The following CEP128 variants were observed in gnomAD, a reference collection of about 807,000 sequenced individuals.
CEP128 encodes centrosomal protein 128, also known as centrosomal protein 128kDa.
CEP128 carries 132 observed loss-of-function variants against 156.7 expected under a neutral mutation model. The observed-to-expected ratio is 0.84, with a 90% CI of 0.73 to 0.97. The LOEUF is 0.97. CEP128 is among the 50% of genes least tolerant of loss of function. The probability of loss-of-function intolerance (pLI) is 0.00; values close to 1 mark genes in which losing one functional copy is unlikely to be tolerated. For missense variants in CEP128, 1,252 were observed against 1,281.9 expected (o/e 0.98, Z 0.36); for synonymous variants, 469 against 448.9 (o/e 1.04, Z -0.57).
chr14:80,570,861 T>C (rs987711435), intron 20 of CEP128, among the ~76,000 whole-genome samples: 1 of 152,196 alleles, frequency 6.6e-6, no homozygotes, highest in Admixed American at 6.5e-5. Context: ...CAGAACCTCA[T>C]TTTTAACAGG....
intron 2 of CEP128, among the ~76,000 whole-genome samples, chr14:80,930,378 T>C (rs919580081): frequency 6.6e-6 from 1 of 152,214 alleles, no homozygotes; most frequent in Non-Finnish European, 1.5e-5. Flanking sequence ...ACCTCTTTCC[T>C]GCACTATGCA....
At chr14:80,680,814 A>G (rs940723055) in intron 19 of CEP128, among the ~76,000 whole-genome samples, 3 of 152,132 alleles carry the variant, frequency 2.0e-5, no homozygotes, top group Non-Finnish European at 2.9e-5. Context: ...ATTCTCTCCT[A>G]GCACTGGTGC....
intron 19 of CEP128, among the ~76,000 whole-genome samples, chr14:80,662,401 T>G (rs1595171912): frequency 6.6e-6 from 1 of 152,188 alleles, no homozygotes. Flanking sequence ...TCTTAATTAT[T>G]GGCTAACTAC....
At chr14:80,493,852 G>A (rs1887406272), downstream of CEP128, among the ~76,000 whole-genome samples, 1 of 152,172 alleles carries the variant, frequency 6.6e-6, no homozygotes, top group Admixed American at 6.5e-5. Context: ...GGCAGATGAG[G>A]GCCAGATGAG....
intron 8 of CEP128, among the ~76,000 whole-genome samples, chr14:80,878,857 C>T (rs756646289): frequency 1.2e-4 from 19 of 152,176 alleles, no homozygotes; most frequent in Non-Finnish European, 2.4e-4. Flanking sequence ...TCTGACCTCA[C>T]GACCACTCTG....
In CEP128 at chr14:80,833,359, G is replaced by T. The variant is rs116575557; in HGVS notation, c.1058-2065C>A. On this transcript the variant is annotated intron_variant, in intron 12 of 24. Coordinates refer to ENST00000555265, the MANE Select transcript of CEP128 (RefSeq NM_152446.5). ...ATATTTGATATGGAGATATATTTTG[G>T]TATGTTTACATATATATATACTAGT... Among the ~76,000 whole-genome samples the T allele has an allele frequency of 9.4e-3, 1,419 of 150,970 alleles. 21 individuals carry two copies. The highest frequency in any genetic ancestry group is 0.033 in the African/African-American group (1,370 of 41,194).
intron 14 of CEP128, among the ~76,000 whole-genome samples, chr14:80,479,338 G>A (rs1887006118): frequency 6.6e-6 from 1 of 152,112 alleles, no homozygotes; most frequent in Non-Finnish European, 1.5e-5. Context: ...TGCTGATGAA[G>A]ACACACCTGA....
At chr14:80,689,847 T>C (rs1328510283) in intron 19 of CEP128, among the ~76,000 whole-genome samples, 1 of 150,364 alleles carries the variant, frequency 6.7e-6, no homozygotes, top group African/African-American at 2.5e-5. Context: ...AAAACATATA[T>C]AATTATACAG....
rs1438548772 is a variant in CEP128 at position 80,530,883 on chromosome 14, T to C, written c.2884A>G (p.Thr962Ala). ...TCCAGATGGTCCAAGGCCACTTGGG[T>C]ACTCTGAAATAGAAAACATAAGGAA... The part of the protein sequence containing the change: ...QDRVIALETS[T>A]QVALDHLESV... The change falls in exon 22 of 25, where the codon ACC becomes GCC. Residue 962 changes from threonine (T) to alanine (A), a missense_variant. By Grantham distance (58) the Thr-to-Ala change is moderately conservative (BLOSUM62 0). Transcript: ENST00000555265. 2 of 1,593,402 alleles carry C rather than the reference T, an allele frequency of 1.3e-6. No individual in the cohort carries two copies. Among genetic ancestry groups the C allele is most frequent in the Non-Finnish European group, 1.7e-6 (2 of 1,167,150 alleles).
chr14:80,648,767 C>T (rs8023223), intron 19 of CEP128, among the ~76,000 whole-genome samples: 121 of 152,130 alleles, frequency 8.0e-4, no homozygotes, highest in African/African-American at 2.9e-3. Flanking sequence ...GTTTAAAAAG[C>T]AAAGTGTACC....
intron 2 of CEP128, among the ~76,000 whole-genome samples, chr14:80,948,315 C>A (rs1217741991): frequency 6.6e-6 from 1 of 152,194 alleles, no homozygotes; most frequent in Non-Finnish European, 1.5e-5. Context: ...CATCTTTAGC[C>A]ATTCATTGTG....
intron 19 of CEP128, among the ~76,000 whole-genome samples, chr14:80,689,712 A>G (rs773508568): frequency 1.3e-5 from 2 of 152,226 alleles, no homozygotes; most frequent in Non-Finnish European, 2.9e-5. Flanking sequence ...ATAGACGCAC[A>G]TGTATATTTA....
chr14:80,522,547 T>A (rs966537675), intron 23 of CEP128, among the ~76,000 whole-genome samples: 1 of 152,236 alleles, frequency 6.6e-6, no homozygotes, highest in Non-Finnish European at 1.5e-5. Context: ...GACTTTTCTT[T>A]CAAGGGGAAG....
At chr14:80,788,777 G>A (rs1452468393) in intron 14 of CEP128, among the ~76,000 whole-genome samples, 1 of 152,024 alleles carries the variant, frequency 6.6e-6, no homozygotes, top group Non-Finnish European at 1.5e-5. Context: ...TTTTACTTAT[G>A]GCTCCTTATT....
At chr14:80,484,836 A>C (rs1325311576) in intron 14 of CEP128, among the ~76,000 whole-genome samples, 2 of 151,702 alleles carry the variant, frequency 1.3e-5, no homozygotes, top group East Asian at 1.9e-4. Flanking sequence ...CTGAACATCT[A>C]CTGGCATGAA....
chr14:80,683,194 G>A (rs1896390680), intron 19 of CEP128, among the ~76,000 whole-genome samples: 1 of 152,050 alleles, frequency 6.6e-6, no homozygotes, highest in Non-Finnish European at 1.5e-5. Flanking sequence ...AGCTGGACAG[G>A]ACCATCCATC....
intron 13 of CEP128, among the ~76,000 whole-genome samples, chr14:80,811,639 TTGTGTGTTTG>T (rs1375821585): frequency 6.6e-6 from 1 of 150,984 alleles, no homozygotes; most frequent in Non-Finnish European, 1.5e-5. Context: ...AAACCCTAGT[TTGTGTGTTTG>T]TGTGTGTATG....
intron 9 of CEP128, among the ~76,000 whole-genome samples, chr14:80,851,599 A>G (rs1886891759): frequency 6.6e-6 from 1 of 152,064 alleles, no homozygotes; most frequent in Non-Finnish European, 1.5e-5. Flanking sequence ...ATGAATATAT[A>G]ATATACTCCA....
chr14:80,816,999 G>C (rs1884901784), intron 13 of CEP128, among the ~76,000 whole-genome samples: 1 of 148,274 alleles, frequency 6.7e-6, no homozygotes, highest in Non-Finnish European at 1.5e-5. Context: ...AGCAATCAGT[G>C]AATTAGCAGA....
Sources: gnomAD v4.1 joint callset for allele counts (sites outside exome capture counted in the v4.1 genomes callset) on GRCh38, gnomAD v4.1.1 for gene constraint, MANE v1.5 for transcripts, NCBI Gene and HGNC (gene_info 2026-07-23, HGNC 2026-07-21) for gene names.